CDK12: variants seen among roughly 807,000 people sequenced by gnomAD.
CDK12 encodes cyclin-dependent kinase 12.
In CDK12, 17 loss-of-function variants were observed where a neutral mutation model predicts 133.8. That is an observed-to-expected ratio of 0.13 (90% confidence interval 0.09 to 0.19). The LOEUF (loss-of-function observed/expected upper bound fraction) is 0.19. CDK12 is among the 10% of genes least tolerant of loss of function. CDK12 has a pLI of 1.00. For synonymous variants in CDK12, 694 were observed against 683.6 expected, an observed-to-expected ratio of 1.02 and a Z score of -0.24; for missense variants, 1,508 against 1,818.7, an observed-to-expected ratio of 0.83 and a Z score of 3.11.
chr17:39,474,070 T>C (rs1026015876), intron 2 of CDK12, among the ~76,000 whole-genome samples: 2 of 151,984 alleles, frequency 1.3e-5, no homozygotes, highest in African/African-American at 4.8e-5. Flanking sequence ...ACAGTATATA[T>C]GTATTTCCTT....
intron 6 of CDK12, among the ~76,000 whole-genome samples, 167 bp downstream of exon 6, chr17:39,501,606 C>T (rs2052721786): frequency 1.3e-5 from 2 of 152,168 alleles, no homozygotes; most frequent in South Asian, 4.1e-4. Context: ...GCTCCTTTAG[C>T]TGTTCTTGAG....
At chr17:39,520,477 C>G (rs1186957956) in intron 11 of CDK12, among the ~76,000 whole-genome samples, 1 of 152,124 alleles carries the variant, frequency 6.6e-6, no homozygotes, top group Non-Finnish European at 1.5e-5. Context: ...TCACTGCAAC[C>G]TCTGCAGGGT....
downstream of CDK12, among the ~76,000 whole-genome samples, chr17:39,535,605 A>C (rs2055098184): frequency 1.3e-5 from 2 of 152,136 alleles, no homozygotes; most frequent in African/African-American, 4.8e-5. Context: ...TTCTGGGCCT[A>C]AAGGCTGAGG....
intron 2 of CDK12, among the ~76,000 whole-genome samples, chr17:39,483,270 T>G (rs2050865266): frequency 6.8e-6 from 1 of 147,464 alleles, no homozygotes; most frequent in Non-Finnish European, 1.5e-5. Flanking sequence ...TTTCTTTTCT[T>G]TTTTTTTTTT....
At position 39,462,208 on chromosome 17, in the gene CDK12, A is replaced by G; in HGVS notation, c.137A>G (p.Lys46Arg). 6.2e-7 allele frequency: 1 copy of G among 1,614,214 alleles called. No individual in the cohort carries two copies. The highest frequency in any genetic ancestry group is 1.7e-5 in the Admixed American group (1 of 60,014). Residue 46 changes from lysine to arginine, a missense_variant, in exon 1 of 14, where the codon AAG (lysine) becomes AGG (arginine). By Grantham distance (26) the Lys-to-Arg change is conservative. Around this residue, in one of 9 missense-constraint regions of CDK12, gnomAD observed 460 missense variants for 490.8 expected, o/e 0.94. Transcript: ENST00000447079. ...TTGGTATCGAAGCACAAGCGGCATAAGTCCAAACACTCCAAAGACATGGGG... is the reference window on the plus strand; with the variant it reads ...TTGGTATCGAAGCACAAGCGGCATAGGTCCAAACACTCCAAAGACATGGGG... Reference protein sequence around the residue: ...HRLVSKHKRHKSKHSKDMGLV... With the variant: ...HRLVSKHKRHRSKHSKDMGLV...
intron 11 of CDK12, 29 bp from the exon 12 acceptor site, chr17:39,524,645 T>C (rs776868293): frequency 6.3e-7 from 1 of 1,588,006 alleles, no homozygotes; most frequent in South Asian, 1.1e-5. Flanking sequence ...TTCCCTTACA[T>C]ATTTCCCCTT....
intron 2 of CDK12, among the ~76,000 whole-genome samples, chr17:39,481,693 TCTCTCTCTCTCTCTCTC>T: frequency 3.9e-5 from 1 of 25,660 alleles, no homozygotes; most frequent in African/African-American, 1.0e-4. Context: ...TCTCTCTCTC[TCTCTCTCTCTCTCTCTC>T]TTTCTCTTTT....
intron 12 of CDK12, among the ~76,000 whole-genome samples, chr17:39,525,301 T>G (rs774048288): frequency 6.6e-6 from 1 of 152,226 alleles, no homozygotes; most frequent in Non-Finnish European, 1.5e-5. Context: ...TTCTATAGAC[T>G]GTTATTTTGA....
In CDK12 at chr17:39,471,500, A is replaced by G. The variant is rs747615427; in HGVS notation, c.1668A>G (p.Pro556=). ...CACCCCCTTTGCCACCTTTGCCTCCAATACCAGCTCTTCCACAGCAACCAC... is the reference window on the plus strand; with the variant it reads ...CACCCCCTTTGCCACCTTTGCCTCCGATACCAGCTCTTCCACAGCAACCAC... The part of the protein sequence containing the change: ...PQTPPLPPLP[P]IPALPQQPPL... Residue 556 remains proline, a synonymous_variant, in exon 2 of 14, where the codon CCA becomes CCG. Coordinates refer to ENST00000447079, the MANE Select transcript of CDK12 (RefSeq NM_016507.4). 3.1e-6 allele frequency: 5 copies of G among 1,597,736 alleles called. No individual in the cohort carries two copies. The highest frequency in any genetic ancestry group is 1.1e-5 in the South Asian group (1 of 90,662).
chr17:39,471,002 A>G lies in CDK12; in HGVS notation c.1170A>G (p.Pro390=), dbSNP rs148279954. The G allele has an allele frequency of 2.7e-5, 44 of 1,614,174 alleles. No homozygotes were observed. Among genetic ancestry groups the G allele is most frequent in the Non-Finnish European group, 3.1e-5 (37 of 1,180,026 alleles). ...RHSSISPVRL[P]LNSSLGAELS... is the part of the protein sequence containing the mutation. ...CCAGTATCTCACCTGTCAGGCTTCC[A>G]CTTAATTCCAGTCTGGGAGCTGAAC... The change falls in exon 2 of 14, where the codon CCA becomes CCG. Residue 390 remains proline (P), a synonymous_variant. Transcript: ENST00000447079.
At chr17:39,546,943 C>T (rs2055737528), upstream of CDK12, among the ~76,000 whole-genome samples, 1 of 152,142 alleles carries the variant, frequency 6.6e-6, no homozygotes, top group African/African-American at 2.4e-5. Context: ...AATGTCCATC[C>T]CTTTTTCTAT....
chr17:39,473,127 T>A (rs573754014), intron 2 of CDK12, among the ~76,000 whole-genome samples: 61 of 152,074 alleles, frequency 4.0e-4, no homozygotes, highest in African/African-American at 1.4e-3. Context: ...ATAGTCCCAG[T>A]AGCCCCCAAA....
intron 5 of CDK12, among the ~76,000 whole-genome samples, chr17:39,497,016 C>T (rs773493179): frequency 7.4e-5 from 11 of 149,062 alleles, no homozygotes; most frequent in South Asian, 2.1e-4. Flanking sequence ...CTGCAACCTC[C>T]GCCTCCTGGG....
chr17:39,498,890 T>C (rs181182427), intron 5 of CDK12, among the ~76,000 whole-genome samples: 71 of 94 alleles, frequency 0.76, 29 homozygotes, highest in African/African-American at 0.82. Flanking sequence ...TTTCTTTCTT[T>C]CTTTCTTTCT....
intron 5 of CDK12, among the ~76,000 whole-genome samples, chr17:39,500,934 C>A (rs2052672981): frequency 1.3e-5 from 2 of 151,808 alleles, no homozygotes; most frequent in South Asian, 4.2e-4. Flanking sequence ...GTTTCATTCA[C>A]CATGTTGGAC....
At chr17:39,482,967 C>T (rs985169804) in intron 2 of CDK12, among the ~76,000 whole-genome samples, 2 of 146,908 alleles carry the variant, frequency 1.4e-5, no homozygotes, top group Admixed American at 7.0e-5. Flanking sequence ...GGCTGGAGTA[C>T]AGTGGCATGA....
chr17:39,504,278 A>G (rs746538241), intron 6 of CDK12, among the ~76,000 whole-genome samples: 1 of 152,188 alleles, frequency 6.6e-6, no homozygotes, highest in Non-Finnish European at 1.5e-5. Context: ...GGGAATTCCA[A>G]ACTACCAATA....
chr17:39,544,716 G>A (rs1372227091), upstream of CDK12, among the ~76,000 whole-genome samples: 3 of 137,556 alleles, frequency 2.2e-5, no homozygotes. Context: ...CGCAACCTCC[G>A]CCTCCCGGGG....
chr17:39,495,773 CA>C (rs1180146438), intron 5 of CDK12, among the ~76,000 whole-genome samples: 1 of 138,022 alleles, frequency 7.2e-6, no homozygotes, highest in Non-Finnish European at 1.5e-5. Context: ...CCAGCCTGGG[CA>C]ATAGAGCGAG....
Sources: allele counts gnomAD v4.1 joint callset (sites outside exome capture counted in the v4.1 genomes callset), GRCh38; gene constraint gnomAD v4.1.1; regional missense constraint gnomAD v4.1.1; transcripts MANE v1.5; gene names NCBI Gene and HGNC (gene_info 2026-07-23, HGNC 2026-07-21).